ABCA13: variants seen among roughly 807,000 people sequenced by gnomAD.
ABCA13 encodes ATP-binding cassette sub-family A member 13.
A neutral mutation model predicts 478.7 loss-of-function variants in ABCA13; 476 were observed. The observed-to-expected ratio is 0.99, with a 90% CI of 0.92 to 1.07. ABCA13 has a LOEUF of 1.07. ABCA13 is among the 50% of genes least tolerant of loss of function. ABCA13 has a pLI of 0.00. For missense variants in ABCA13, 6,060 were observed against 5,910.6 expected (o/e 1.03, Z -0.83); for synonymous variants, 2,252 against 2,158.9 (o/e 1.04, Z -1.20).
At chr7:48,425,787 T>C (rs1321941914) in intron 41 of ABCA13, among the ~76,000 whole-genome samples, 1 of 151,966 alleles carries the variant, frequency 6.6e-6, no homozygotes, top group Non-Finnish European at 1.5e-5. Context: ...GTCGCCCAGG[T>C]TGGAGTGCAG....
chr7:48,542,254 G>A (rs771601204), intron 55 of ABCA13, among the ~76,000 whole-genome samples: 14 of 151,582 alleles, frequency 9.2e-5, no homozygotes, highest in Non-Finnish European at 1.8e-4. Flanking sequence ...TGAGTTTCAC[G>A]TCATCAACAC....
At chr7:48,235,059 G>A (rs1323486718) in intron 8 of ABCA13, among the ~76,000 whole-genome samples, 1 of 152,204 alleles carries the variant, frequency 6.6e-6, no homozygotes, top group African/African-American at 2.4e-5. Flanking sequence ...TGTGCTCTCA[G>A]TCTCAGGGGT....
At chr7:48,620,032 G>A (rs1405176498) in intron 59 of ABCA13, among the ~76,000 whole-genome samples, 1 of 152,172 alleles carries the variant, frequency 6.6e-6, no homozygotes, top group African/African-American at 2.4e-5. Flanking sequence ...AGTGAAGTAG[G>A]AATCAGGAGG....
At chr7:48,542,524 G>A (rs1288363167) in intron 55 of ABCA13, among the ~76,000 whole-genome samples, 1 of 151,380 alleles carries the variant, frequency 6.6e-6, no homozygotes. Flanking sequence ...AATTTCAACT[G>A]AAGTGGCCAG....
chr7:48,409,090 TCAAA>T (rs2129086611), intron 39 of ABCA13, among the ~76,000 whole-genome samples: 1 of 152,344 alleles, frequency 6.6e-6, no homozygotes, highest in African/African-American at 2.4e-5. Flanking sequence ...ATTCACAACC[TCAAA>T]CATTTACTTG....
intron 28 of ABCA13, among the ~76,000 whole-genome samples, chr7:48,337,878 C>T (rs947788678): frequency 2.0e-5 from 3 of 152,104 alleles, no homozygotes; most frequent in African/African-American, 4.8e-5. Context: ...TCAATAATAA[C>T]GAGAGAAGAA....
intron 49 of ABCA13, among the ~76,000 whole-genome samples, chr7:48,506,754 T>C (rs1021221054): frequency 1.3e-5 from 2 of 152,180 alleles, no homozygotes; most frequent in African/African-American, 4.8e-5. Flanking sequence ...TAACGCCTCC[T>C]TGAATATTTC....
chr7:48,438,627 C>CT (rs34533187), intron 42 of ABCA13, among the ~76,000 whole-genome samples: 3 of 149,838 alleles, frequency 2.0e-5, no homozygotes, highest in South Asian at 2.1e-4. Flanking sequence ...GCTACCTTTT[C>CT]TTTTTTTTAA....
intron 45 of ABCA13, among the ~76,000 whole-genome samples, chr7:48,477,295 C>T (rs1828210962): frequency 6.6e-6 from 1 of 152,132 alleles, no homozygotes; most frequent in Admixed American, 6.5e-5. Flanking sequence ...GTTGGTGGGA[C>T]TGTAAACTAG....
At chr7:48,427,261 T>G (rs1821556740) in intron 41 of ABCA13, among the ~76,000 whole-genome samples, 1 of 152,228 alleles carries the variant, frequency 6.6e-6, no homozygotes, top group African/African-American at 2.4e-5. Context: ...AGAAATGACT[T>G]CAAGCAAGTT....
At position 48,471,547 on chromosome 7, in the gene ABCA13, G is replaced by T; in HGVS notation, c.12923G>T (p.Trp4308Leu). Residue 4308 changes from tryptophan to leucine, a missense_variant, in exon 45 of 62, where the codon TGG becomes TTG. Around this residue, in one of 3 missense-constraint regions of ABCA13, gnomAD observed 1,627 missense variants for 1,571.0 expected, o/e 1.04. Transcript: ENST00000435803. ...LNPRQKNSSC[W>L]RTDPFSHPEF... ...TTTTTTAGGAAGAATTCTTCATGCT[G>T]GCGCACAGATCCCTTTTCTCACCCA... The T allele has an allele frequency of 6.4e-7, 1 of 1,561,236 alleles. No individual in the cohort carries two copies. The highest frequency in any genetic ancestry group is 2.3e-5 in the East Asian group (1 of 42,640).
At chr7:48,611,155 G>A (rs571069424) in intron 58 of ABCA13, among the ~76,000 whole-genome samples, 3 of 151,918 alleles carry the variant, frequency 2.0e-5, no homozygotes, top group African/African-American at 7.3e-5. Flanking sequence ...TCATGTCTTC[G>A]CTCATGCATA....
rs1273722155 is a variant in ABCA13 at position 48,387,915 on chromosome 7, T to C, written c.11429T>C (p.Leu3810Pro). 2 of 1,613,432 alleles carry C rather than the reference T, an allele frequency of 1.2e-6. No homozygotes were observed. The highest frequency in any genetic ancestry group is 1.7e-6 in the Non-Finnish European group (2 of 1,179,632). ...TTGGTGGAGAAAAGGCAATACTTTC[T>C]AAGTTCTAGTCTGTTCTTCTTCAAT... The part of the protein sequence containing the change: ...GFLVEKRQYF[L>P]SSSLFFFNEN... The change falls in exon 36 of 62, where the codon CTA becomes CCA. Residue 3810 changes from leucine (L) to proline (P), a missense_variant. Coordinates refer to ENST00000435803, the MANE Select transcript of ABCA13 (RefSeq NM_152701.5).
chr7:48,241,930 G>A (rs1475570385), intron 10 of ABCA13, among the ~76,000 whole-genome samples: 2 of 152,170 alleles, frequency 1.3e-5, no homozygotes, highest in Non-Finnish European at 2.9e-5. Flanking sequence ...TGGGGCCTGA[G>A]GTGCTTGCGC....
intron 19 of ABCA13, among the ~76,000 whole-genome samples, chr7:48,286,739 G>A (rs542665954): frequency 3.7e-4 from 56 of 152,206 alleles, no homozygotes; most frequent in African/African-American, 1.3e-3. Context: ...TCCTGACCTC[G>A]TGATCTGCCC....
intron 23 of ABCA13, among the ~76,000 whole-genome samples, chr7:48,304,344 G>A (rs1348523825): frequency 6.6e-6 from 1 of 152,166 alleles, no homozygotes. Context: ...CCTCACTGAA[G>A]AACTACAGCC....
At chr7:48,493,555 T>C (rs1830021772) in intron 48 of ABCA13, among the ~76,000 whole-genome samples, 1 of 152,064 alleles carries the variant, frequency 6.6e-6, no homozygotes, top group South Asian at 2.1e-4. Flanking sequence ...TTTGTGTTAT[T>C]GGGGGTGGTT....
chr7:48,310,274 C>A, intron 24 of ABCA13, 133 bp downstream of exon 24: 1 of 957,608 alleles, frequency 1.0e-6, no homozygotes, highest in Non-Finnish European at 1.6e-6. Flanking sequence ...TCTCCACCAG[C>A]CTCTGGTGTC....
At chr7:48,640,454 A>T (rs1040219622) in intron 59 of ABCA13, among the ~76,000 whole-genome samples, 21 of 152,210 alleles carry the variant, frequency 1.4e-4, no homozygotes, top group Admixed American at 3.3e-4. Context: ...ATTACATTTA[A>T]TGTTTGTGGT....
Sources: gnomAD v4.1 joint callset for allele counts (sites outside exome capture counted in the v4.1 genomes callset) on GRCh38, gnomAD v4.1.1 for gene constraint, gnomAD v4.1.1 regional missense constraint, MANE v1.5 for transcripts, NCBI Gene and HGNC (gene_info 2026-07-23, HGNC 2026-07-21) for gene names.